The following PACRG variants were observed in gnomAD, a reference collection of about 807,000 sequenced individuals.
The protein encoded by PACRG is parkin coregulated, also known as parkin coregulated gene protein.
In PACRG, 29 loss-of-function variants were observed where a neutral mutation model predicts 29.7. The ratio of observed to expected loss-of-function variants is 0.98; its 90% confidence interval spans 0.73 to 1.33. The LOEUF (loss-of-function observed/expected upper bound fraction) is 1.33, where lower values mean the gene tolerates loss of function less well. Ranked by LOEUF, PACRG falls within the 40% of genes most tolerant of loss-of-function variation. PACRG has a pLI of 0.00. For missense variants in PACRG, 279 were observed against 316.2 expected (o/e 0.88, Z 0.89); for synonymous variants, 116 against 118.7 (o/e 0.98, Z 0.15).
At chr6:163,158,745 C>A (rs1386269464) in intron 4 of PACRG, among the ~76,000 whole-genome samples, 1 of 152,218 alleles carries the variant, frequency 6.6e-6, no homozygotes, top group Non-Finnish European at 1.5e-5. Flanking sequence ...ATATTGCACA[C>A]TGACGTGCCA....
chr6:163,246,539 T>A lies in PACRG; in HGVS notation c.614-68288T>A, dbSNP rs574201782. The stretch of plus-strand genomic sequence containing the variant: ...AATATGTAATGTTTACATAGCCGTT[T>A]GCTTAATACCTGTAAGATTCCACCA... On this transcript the variant is annotated intron_variant, in intron 4 of 4. Coordinates refer to ENST00000366888, the MANE Select transcript of PACRG (RefSeq NM_001080379.2). Among the ~76,000 whole-genome samples the A allele has an allele frequency of 3.3e-5, 5 of 152,350 alleles. No individual in the cohort carries two copies. In the South Asian group the frequency reaches 8.3e-4, roughly 25 times the overall value.
intron 2 of PACRG, among the ~76,000 whole-genome samples, chr6:162,963,800 C>T (rs1395754585): frequency 6.6e-6 from 1 of 151,898 alleles, no homozygotes; most frequent in Non-Finnish European, 1.5e-5. Flanking sequence ...AGAACTCTAT[C>T]CAGGCCTGCA....
intron 1 of PACRG, among the ~76,000 whole-genome samples, chr6:162,808,757 C>A (rs1302018955): frequency 6.6e-6 from 1 of 152,144 alleles, no homozygotes; most frequent in African/African-American, 2.4e-5. Context: ...TTCAGGCAAA[C>A]CCTAATTGCA....
intron 2 of PACRG, among the ~76,000 whole-genome samples, chr6:162,847,618 G>A (rs950314355): frequency 4.0e-5 from 6 of 151,578 alleles, no homozygotes; most frequent in Admixed American, 2.6e-4. Context: ...ACGAATGGAC[G>A]TGGTCCCCAA....
At chr6:162,995,342 C>A (rs9365527) in intron 2 of PACRG, among the ~76,000 whole-genome samples, 3 of 150,592 alleles carry the variant, frequency 2.0e-5, no homozygotes, top group Non-Finnish European at 4.4e-5. Context: ...CCCCCAGCCT[C>A]GCTGCCGCCT....
intron 2 of PACRG, among the ~76,000 whole-genome samples, chr6:162,871,382 T>C (rs1188699988): frequency 6.6e-6 from 1 of 152,226 alleles, no homozygotes; most frequent in Admixed American, 6.5e-5. Flanking sequence ...GGGTTGATAC[T>C]ATTCTGAGTG....
chr6:162,916,702 A>G (rs918266788), intron 2 of PACRG, among the ~76,000 whole-genome samples: 1 of 152,126 alleles, frequency 6.6e-6, no homozygotes, highest in African/African-American at 2.4e-5. Context: ...GCTGTCTCTG[A>G]GTCTACTCCA....
intron 2 of PACRG, among the ~76,000 whole-genome samples, chr6:162,903,473 A>G (rs1158041779): frequency 6.6e-6 from 1 of 152,182 alleles, no homozygotes; most frequent in Non-Finnish European, 1.5e-5. Context: ...AGGCCTCACA[A>G]TCATGGCAGA....
chr6:162,989,722 CTT>C (rs66497763), intron 2 of PACRG, among the ~76,000 whole-genome samples: 3,335 of 142,042 alleles, frequency 0.023, 147 homozygotes, highest in African/African-American at 0.083. Context: ...TCAGTACTTC[CTT>C]TTTTTTTTTT....
Position 163,122,534 on chromosome 6 carries a change from C to A in PACRG, c.613+33126C>A, listed in dbSNP as rs573358618. Among the ~76,000 whole-genome samples the A allele has an allele frequency of 2.2e-4, 34 of 152,202 alleles. No individual in the cohort carries two copies. The South Asian group carries it at 6.6e-3, about 30-fold the overall frequency. On this transcript the variant is annotated intron_variant, in intron 4 of 4. Transcript: ENST00000366888. Reference sequence around the variant, plus strand: ...CACAAGAGCTGTTTGTTTAAAAAAGCCTGGCACCTCCCCCTCGCTCTCTCG... The same window carrying A: ...CACAAGAGCTGTTTGTTTAAAAAAGACTGGCACCTCCCCCTCGCTCTCTCG...
intron 1 of PACRG, among the ~76,000 whole-genome samples, chr6:162,810,815 A>G (rs1786795468): frequency 6.6e-6 from 1 of 152,162 alleles, no homozygotes; most frequent in Admixed American, 6.5e-5. Context: ...AAAAGATCTA[A>G]CATTAATGTC....
chr6:162,778,133 A>G (rs1783793861), intron 1 of PACRG, among the ~76,000 whole-genome samples: 1 of 152,154 alleles, frequency 6.6e-6, no homozygotes, highest in Non-Finnish European at 1.5e-5. Flanking sequence ...GGGGGGAGGA[A>G]ACAGGTGTGA....
chr6:162,797,254 C>A (rs936554971), intron 1 of PACRG, among the ~76,000 whole-genome samples: 6 of 152,100 alleles, frequency 3.9e-5, no homozygotes, highest in Admixed American at 3.9e-4. Context: ...GGTGACAGAG[C>A]AAGACTCCAT....
At chr6:163,036,356 G>A (rs1396546342) in intron 2 of PACRG, among the ~76,000 whole-genome samples, 3 of 152,122 alleles carry the variant, frequency 2.0e-5, no homozygotes, top group Admixed American at 1.3e-4. Context: ...ACTCACAGCC[G>A]CATTCTGGAA....
intron 2 of PACRG, among the ~76,000 whole-genome samples, chr6:162,990,271 G>T (rs1803326844): frequency 2.0e-5 from 3 of 151,644 alleles, no homozygotes; most frequent in Admixed American, 2.0e-4. Context: ...GGATGGCTGG[G>T]TCAAATGGTA....
At chr6:163,075,793 CA>C (rs1248842575) in intron 3 of PACRG, among the ~76,000 whole-genome samples, 4 of 152,314 alleles carry the variant, frequency 2.6e-5, no homozygotes, top group Admixed American at 6.5e-5. Flanking sequence ...ATTTCAATAA[CA>C]ACCAATCCCA....
chr6:163,084,817 T>A (rs1023812855), intron 3 of PACRG, among the ~76,000 whole-genome samples: 3 of 111,676 alleles, frequency 2.7e-5, no homozygotes, highest in Non-Finnish European at 5.5e-5. Context: ...TTAATGTTAG[T>A]GTTACTCATA....
chr6:162,778,048 A>G (rs1783783809), intron 1 of PACRG, among the ~76,000 whole-genome samples: 2 of 152,178 alleles, frequency 1.3e-5, no homozygotes, highest in South Asian at 4.1e-4. Flanking sequence ...CTGAATGTGT[A>G]AAATACGCAT....
chr6:163,153,927 A>C (rs1778208956), intron 4 of PACRG, among the ~76,000 whole-genome samples: 1 of 152,216 alleles, frequency 6.6e-6, no homozygotes, highest in Non-Finnish European at 1.5e-5. Flanking sequence ...TGGAAAGAAG[A>C]AAGCAGTGAT....
Sources: gnomAD v4.1 joint callset for allele counts (sites outside exome capture counted in the v4.1 genomes callset) on GRCh38, gnomAD v4.1.1 for gene constraint, MANE v1.5 for transcripts, NCBI Gene and HGNC (gene_info 2026-07-23, HGNC 2026-07-21) for gene names.